The following SPICE1 variants were observed in gnomAD, a reference collection of about 807,000 sequenced individuals.
SPICE1 encodes spindle and centriole-associated protein 1.
In SPICE1, 75 loss-of-function variants were observed where a neutral mutation model predicts 102.7. The ratio of observed to expected loss-of-function variants is 0.73; its 90% CI spans 0.61 to 0.88. The LOEUF (loss-of-function observed/expected upper bound fraction) is 0.88. Among genes scored for constraint, SPICE1 ranks in the 40% least tolerant of loss-of-function variants. The pLI, the probability that SPICE1 is intolerant of heterozygous loss-of-function variation, is 0.00. For missense variants in SPICE1, 979 were observed against 1,020.1 expected, an observed-to-expected ratio of 0.96 and a Z score of 0.55; for synonymous variants, 308 against 350.3, an observed-to-expected ratio of 0.88 and a Z score of 1.35.
Position 113,470,305 on chromosome 3 carries a change from T to A in SPICE1, c.612-1067A>T, listed in dbSNP as rs148037078. Among the ~76,000 whole-genome samples the A allele has an allele frequency of 2.0e-5, 3 of 152,298 alleles. No homozygotes were observed. In the East Asian group the frequency reaches 5.8e-4, roughly 29 times the overall value. ...GTAAAGTCGCTGTTAGGAAAGCATA[T>A]TCTGGAGAGAAGGGCAAGAGTGTGG... On this transcript the variant is annotated intron_variant, in intron 7 of 17. Transcript: ENST00000295872.
chr3:113,514,496 C>T, intron 1 of SPICE1: 1 of 379,182 alleles, frequency 2.6e-6, no homozygotes. Flanking sequence ...TATGGCCCGG[C>T]TGACTTTTCT....
rs745850222 is a variant in SPICE1 at position 113,469,189 on chromosome 3, A to G, written c.661T>C (p.Trp221Arg). Residue 221 changes from tryptophan to arginine, a missense_variant, in exon 8 of 18, where the codon TGG becomes CGG. Trp to Arg is a moderately radical substitution (Grantham distance 101). Transcript: ENST00000295872. ...EENFELISKL[W>R]TDIQQKIATQ... ...GCTATTTTCTGCTGAATGTCAGTCC[A>G]CAACTTACTAATTAACTCAAAATTC... is the stretch of plus-strand genomic sequence containing the variant. The G allele has an allele frequency of 9.3e-6, 15 of 1,606,040 alleles. No homozygotes were observed. The highest frequency in any genetic ancestry group is 1.3e-5 in the African/African-American group (1 of 74,772).
At chr3:113,509,824 T>C (rs1195419723) in intron 1 of SPICE1, among the ~76,000 whole-genome samples, 1 of 152,222 alleles carries the variant, frequency 6.6e-6, no homozygotes, top group Non-Finnish European at 1.5e-5. Flanking sequence ...TCCCTCTTGC[T>C]GTTTTCATGA....
chr3:113,515,147 G>GC lies in SPICE1; in HGVS notation c.-252dup, dbSNP rs1393189127. On this transcript the variant is annotated 5_prime_UTR_variant, in exon 1 of 18. Transcript: ENST00000295872. ...TTCAGGCGCCGGAACCGCGGAGCGC[G>GC]CCACAGGTTAACCCAGCCAGCGGCT... 2 of 174,234 alleles carry GC rather than the reference G, an allele frequency of 1.1e-5. No individual in the cohort carries two copies. The highest frequency in any genetic ancestry group is 2.4e-5 in the African/African-American group (1 of 41,614). The allele number at this position is 174,234 out of a possible 1,614,324, so 10.8% of individuals were successfully genotyped here.
rs145759391 is a variant in SPICE1 at position 113,453,827 on chromosome 3, C to T, written c.1781G>A (p.Ser594Asn). 1.2e-5 allele frequency: 19 copies of T among 1,614,178 alleles called. No individual in the cohort carries two copies. In the African/African-American group the frequency reaches 2.0e-4, roughly 17 times the overall value. Residue 594 changes from serine (S) to asparagine (N), a missense_variant, in exon 14 of 18, where the codon AGT becomes AAT. Coordinates refer to ENST00000295872, the MANE Select transcript of SPICE1 (RefSeq NM_144718.4). The stretch of plus-strand genomic sequence containing the variant: ...CTGAGTGAAGAGACGATTCTCTTCA[C>T]TTGAATTCTGAATGTCTGTATCAAT... ...LPIDTDIQNS[S>N]EENRLFTQRW... is the part of the protein sequence containing the mutation.
intron 4 of SPICE1, among the ~76,000 whole-genome samples, chr3:113,497,995 G>A (rs565201023): frequency 7.2e-5 from 11 of 151,808 alleles, no homozygotes; most frequent in African/African-American, 2.4e-4. Flanking sequence ...TCCCACCTCA[G>A]CCTCCCAAGT....
At chr3:113,472,177 A>AT (rs1411513584) in intron 7 of SPICE1, among the ~76,000 whole-genome samples, 17 of 152,222 alleles carry the variant, frequency 1.1e-4, no homozygotes, top group African/African-American at 4.1e-4. Flanking sequence ...AGTCTCACTG[A>AT]TTGCTAGCAC....
chr3:113,513,473 A>G (rs1251319812), intron 1 of SPICE1, among the ~76,000 whole-genome samples: 2 of 150,028 alleles, frequency 1.3e-5, no homozygotes, highest in Admixed American at 6.6e-5. Context: ...TACCTACTAT[A>G]TACATCTCCC....
intron 3 of SPICE1, 103 bp from the exon 4 acceptor site, chr3:113,499,685 T>C (rs1936971536): frequency 3.3e-6 from 4 of 1,205,084 alleles, no homozygotes; most frequent in Admixed American, 6.3e-5. Context: ...TTTTAAACTT[T>C]TTCTGGTCCA....
At chr3:113,458,656 T>G (rs181568845) in intron 12 of SPICE1, among the ~76,000 whole-genome samples, 15 of 147,878 alleles carry the variant, frequency 1.0e-4, no homozygotes, top group African/African-American at 2.0e-4. Context: ...GTGAGGAGCG[T>G]CTCTGCCTGG....
intron 12 of SPICE1, among the ~76,000 whole-genome samples, chr3:113,458,372 C>T (rs1190796764): frequency 6.6e-6 from 1 of 152,212 alleles, no homozygotes; most frequent in African/African-American, 2.4e-5. Context: ...GCCACCACAC[C>T]TGACTGGTTT....
At chr3:113,505,637 T>A (rs1182109267) in intron 2 of SPICE1, among the ~76,000 whole-genome samples, 1 of 152,178 alleles carries the variant, frequency 6.6e-6, no homozygotes, top group African/African-American at 2.4e-5. Context: ...GTGCAATGGC[T>A]CGCCTATAAT....
chr3:113,509,516 A>C (rs1937177938), intron 1 of SPICE1, among the ~76,000 whole-genome samples: 1 of 152,228 alleles, frequency 6.6e-6, no homozygotes, highest in Non-Finnish European at 1.5e-5. Flanking sequence ...TTAATAAAGC[A>C]CTTATCTCTG....
chr3:113,447,622 G>T (rs1005052880), intron 16 of SPICE1, among the ~76,000 whole-genome samples: 3 of 152,164 alleles, frequency 2.0e-5, no homozygotes, highest in African/African-American at 7.2e-5. Flanking sequence ...AGTAGAGACA[G>T]AAAGGCCAGG....
rs1937297293 is a variant in SPICE1 at position 113,515,085 on chromosome 3, A to C, written c.-189T>G. On this transcript the variant is annotated 5_prime_UTR_variant, in exon 1 of 18. Transcript: ENST00000295872. Reference sequence around the variant, plus strand: ...GATCCATCATCTCAACCTGCCTTGCAGTCGGTCCCGACTGCCGCCGCCACC... The same window carrying C: ...GATCCATCATCTCAACCTGCCTTGCCGTCGGTCCCGACTGCCGCCGCCACC... The C allele has an allele frequency of 5.6e-6, 1 of 178,730 alleles. No homozygotes were observed. The allele number at this position is 178,730 out of a possible 1,614,324, so 11.1% of individuals were successfully genotyped here.
Position 113,444,662 on chromosome 3 carries a change from G to T in SPICE1, c.*645C>A, listed in dbSNP as rs1935471513. ...TTGAGCTCTAGAATCATATTTATTT[G>T]ATTTGCATTACCATTATTGATGACA... On this transcript the variant is annotated 3_prime_UTR_variant, in exon 18 of 18. Coordinates refer to ENST00000295872, the MANE Select transcript of SPICE1 (RefSeq NM_144718.4). The T allele has an allele frequency of 6.6e-6, 1 of 152,082 alleles. No homozygotes were observed. Among genetic ancestry groups the T allele is most frequent in the Admixed American group, 6.5e-5 (1 of 15,268 alleles). 9.4% of individuals were successfully genotyped at this position (152,082 alleles called of 1,614,324 possible). A position where few individuals can be genotyped will look rare whatever the true frequency, so the allele number is the denominator to read the frequency against.
intron 1 of SPICE1, among the ~76,000 whole-genome samples, chr3:113,514,085 G>A (rs1446215016): frequency 6.6e-6 from 1 of 152,130 alleles, no homozygotes; most frequent in Non-Finnish European, 1.5e-5. Flanking sequence ...TTAGAAGCAG[G>A]GGAAAGAATA....
At chr3:113,450,156 T>G in intron 15 of SPICE1, 180 bp downstream of exon 15, 1 of 624,634 alleles carries the variant, frequency 1.6e-6, no homozygotes, top group Non-Finnish European at 2.8e-6. Context: ...TCAGGAGATC[T>G]GCCTTCTAAT....
intron 11 of SPICE1, among the ~76,000 whole-genome samples, chr3:113,464,038 A>G (rs565123708): frequency 6.6e-5 from 10 of 151,960 alleles, no homozygotes; most frequent in Non-Finnish European, 1.5e-4. Context: ...ACTGCACTCC[A>G]GCCTGGGGGA....
Sources: gnomAD v4.1 joint callset for allele counts (sites outside exome capture counted in the v4.1 genomes callset) on GRCh38, gnomAD v4.1.1 for gene constraint, MANE v1.5 for transcripts, NCBI Gene and HGNC (gene_info 2026-07-23, HGNC 2026-07-21) for gene names.